Variants in WDR64 observed in about 807,000 individuals in gnomAD.
WDR64 encodes WD repeat domain 64, also known as WD repeat-containing protein 64.
WDR64 carries 112 observed loss-of-function variants against 139.3 expected under a neutral mutation model. The ratio of observed to expected loss-of-function variants is 0.80; its 90% confidence interval spans 0.69 to 0.94. The LOEUF (loss-of-function observed/expected upper bound fraction) is 0.94. Among genes scored for constraint, WDR64 ranks in the 40% least tolerant of loss-of-function variants. WDR64 has a pLI of 0.00. For missense variants in WDR64, 1,206 were observed against 1,293.1 expected (o/e 0.93, Z 1.03); for synonymous variants, 444 against 437.7 (o/e 1.01, Z -0.18).
At chr1:241,691,048 C>A (rs115455332) in intron 8 of WDR64, among the ~76,000 whole-genome samples, 1 of 151,974 alleles carries the variant, frequency 6.6e-6, no homozygotes, top group Admixed American at 6.6e-5. Context: ...TTTTAATATA[C>A]TTGTACTGCC....
At chr1:241,757,649 G>GTGTTTTTTTTT (rs1558510470) in intron 15 of WDR64, among the ~76,000 whole-genome samples, 190 bp downstream of exon 15, 1 of 95,228 alleles carries the variant, frequency 1.1e-5, no homozygotes. Flanking sequence ...CAATGGATTT[G>GTGTTTTTTTTT]TTTTTTTTTT....
chr1:241,677,836 G>A (rs1161148267), intron 4 of WDR64, among the ~76,000 whole-genome samples: 1 of 152,166 alleles, frequency 6.6e-6, no homozygotes, highest in Non-Finnish European at 1.5e-5. Flanking sequence ...TGCCATTGCT[G>A]TTAGATTATT....
intron 5 of WDR64, 50 bp from the exon 6 acceptor site, chr1:241,679,435 G>T (rs1391943952): frequency 1.4e-6 from 2 of 1,472,194 alleles, no homozygotes; most frequent in Non-Finnish European, 1.9e-6. Flanking sequence ...CCATCACCAG[G>T]TCATTGAAGG....
intron 25 of WDR64, among the ~76,000 whole-genome samples, chr1:241,794,263 G>A (rs909899416): frequency 2.0e-5 from 3 of 151,816 alleles, no homozygotes; most frequent in Admixed American, 6.6e-5. Flanking sequence ...AGCTCTTTAT[G>A]AGCAAAGATA....
chr1:241,735,508 G>A (rs938954159), intron 10 of WDR64, among the ~76,000 whole-genome samples: 1 of 132,820 alleles, frequency 7.5e-6, no homozygotes, highest in Non-Finnish European at 1.6e-5. Context: ...TTAATATTTA[G>A]TTCTCTGTCT....
chr1:241,762,417 G>A (rs930309866), intron 15 of WDR64, among the ~76,000 whole-genome samples: 3 of 152,098 alleles, frequency 2.0e-5, no homozygotes, highest in African/African-American at 7.2e-5. Context: ...CAAGGCAGGC[G>A]CATGTGTGCA....
chr1:241,766,963 A>G (rs1289079296), intron 16 of WDR64, among the ~76,000 whole-genome samples: 2 of 152,170 alleles, frequency 1.3e-5, no homozygotes, highest in Non-Finnish European at 2.9e-5. Context: ...AAAATACATA[A>G]CAACTTCAAA....
In WDR64 at chr1:241,687,526, T is replaced by G. The variant is rs1402405369; in HGVS notation, c.905T>G (p.Phe302Cys). 5 of 1,613,964 alleles carry G rather than the reference T, an allele frequency of 3.1e-6. No homozygotes were observed. Among genetic ancestry groups the G allele is most frequent in the East Asian group, 4.5e-5 (2 of 44,836 alleles). ...KIRYISALNC[F>C]GSCSLDSNHS... The stretch of plus-strand genomic sequence containing the variant: ...AGATATATTTCAGCCCTAAATTGTT[T>G]TGGATCCTGCTCCTTAGACAGTAAT... Residue 302 changes from phenylalanine (F) to cysteine (C), a missense_variant, in exon 8 of 28, where the codon TTT (phenylalanine) becomes TGT (cysteine). By Grantham distance (205) the Phe-to-Cys change is radical. Transcript: ENST00000437684.
chr1:241,795,105 A>G, intron 25 of WDR64, 102 bp from the exon 26 acceptor site: 1 of 945,160 alleles, frequency 1.1e-6, no homozygotes, highest in South Asian at 1.6e-5. Context: ...GTCCCTTAAG[A>G]TCACACATCT....
rs555211979 is a variant in WDR64, at chr1:241,728,662, GCCA to G, written c.1194+5228_1194+5230del. The stretch of plus-strand genomic sequence containing the variant: ...CAGAGCCCAAGTATTGAACAGATGT[GCCA>G]CATCTATTACACCTGAAGAAGAACT... On this transcript the variant is annotated intron_variant, in intron 10 of 27. Coordinates refer to ENST00000437684, the MANE Select transcript of WDR64 (RefSeq NM_001367482.1). Among the ~76,000 whole-genome samples, 68 of 152,228 alleles carry G rather than the reference GCCA, an allele frequency of 4.5e-4. 2 individuals carry two copies. Among genetic ancestry groups the G allele is most frequent in the African/African-American group, 1.5e-3 (63 of 41,538 alleles).
rs1182278499 is a variant in WDR64, at chr1:241,660,570, G to A, written c.186G>A (p.Lys62=). The change falls in exon 2 of 28, where the codon AAG becomes AAA. Residue 62 remains lysine, a synonymous_variant. Transcript: ENST00000437684. The part of the protein sequence containing the change: ...GYDKFYASVQ[K]LFGPDVKNQD... ...ACAAGTTTTATGCATCGGTACAGAA[G>A]CTCTTTGGTCCAGATGTGAAGAATC... The A allele has an allele frequency of 6.4e-7, 1 of 1,551,812 alleles. No homozygotes were observed. Among genetic ancestry groups the A allele is most frequent in the East Asian group, 2.4e-5 (1 of 40,914 alleles).
intron 8 of WDR64, among the ~76,000 whole-genome samples, chr1:241,706,094 T>C (rs1667943699): frequency 6.6e-6 from 1 of 152,276 alleles, no homozygotes; most frequent in Non-Finnish European, 1.5e-5. Context: ...TAATGTCCTA[T>C]GACCCTAAGC....
At chr1:241,699,862 A>C (rs1484287461) in intron 8 of WDR64, among the ~76,000 whole-genome samples, 2 of 152,116 alleles carry the variant, frequency 1.3e-5, no homozygotes, top group African/African-American at 2.4e-5. Flanking sequence ...TACCATGCTA[A>C]AGAGTTGGGA....
chr1:241,761,908 C>T (rs1657920592), intron 15 of WDR64, among the ~76,000 whole-genome samples: 1 of 152,196 alleles, frequency 6.6e-6, no homozygotes, highest in Non-Finnish European at 1.5e-5. Context: ...GCTATTTCTA[C>T]ATCTTCAGTC....
intron 22 of WDR64, among the ~76,000 whole-genome samples, chr1:241,782,182 G>A (rs1658869507): frequency 6.6e-6 from 1 of 152,234 alleles, no homozygotes; most frequent in Non-Finnish European, 1.5e-5. Context: ...CAGCTACTCG[G>A]GAGGCTGAGG....
At chr1:241,705,748 C>T (rs111743120) in intron 8 of WDR64, among the ~76,000 whole-genome samples, 7,271 of 151,964 alleles carry the variant, frequency 0.048, 222 homozygotes, top group South Asian at 0.084. Flanking sequence ...CCAACACGCC[C>T]GGCTAATTTT....
chr1:241,773,507 T>A (rs1294467629), intron 20 of WDR64, among the ~76,000 whole-genome samples: 1 of 152,226 alleles, frequency 6.6e-6, no homozygotes, highest in East Asian at 1.9e-4. Flanking sequence ...TCTCTCTCTG[T>A]CACCCAGGCT....
chr1:241,711,673 T>C lies in WDR64; in HGVS notation c.975-129T>C. On this transcript the variant is annotated intron_variant, in intron 8 of 27. Transcript: ENST00000437684. ...ATTACGACTTAATCATTACTTGTAA[T>C]ACGGCCTGGGGGCAAATGGATTTAC... 3.0e-5 allele frequency: 25 copies of C among 822,552 alleles called. 1 individual carries two copies. The South Asian group carries it at 4.0e-4, about 13-fold the overall frequency. 51.0% of individuals were successfully genotyped at this position (822,552 alleles called of 1,614,324 possible).
At chr1:241,767,578 A>C (rs1022561168) in intron 16 of WDR64, among the ~76,000 whole-genome samples, 3 of 152,208 alleles carry the variant, frequency 2.0e-5, no homozygotes, top group African/African-American at 7.2e-5. Context: ...GGACGGGAAG[A>C]GATATAAAAG....
Sources: allele counts gnomAD v4.1 joint callset (sites outside exome capture counted in the v4.1 genomes callset), GRCh38; gene constraint gnomAD v4.1.1; transcripts MANE v1.5; gene names NCBI Gene and HGNC (gene_info 2026-07-23, HGNC 2026-07-21).